The following DLG5 variants were observed in gnomAD, a reference collection of about 807,000 sequenced individuals.
DLG5 encodes the protein discs large MAGUK scaffold protein 5.
Under a neutral mutation model 189.8 loss-of-function variants are expected in DLG5, and 48 were observed. The observed-to-expected ratio is 0.25, with a 90% confidence interval of 0.20 to 0.32. The LOEUF is 0.32. DLG5 is among the 10% of genes least tolerant of loss of function. The probability of loss-of-function intolerance (pLI) is 1.00; values close to 1 mark genes in which losing one functional copy is unlikely to be tolerated. For synonymous variants in DLG5, 1,016 were observed against 1,054.1 expected (o/e 0.96, Z 0.70); for missense variants, 2,160 against 2,544.7 (o/e 0.85, Z 3.25).
chr10:77,862,860 G>T (rs1301511155), intron 2 of DLG5, among the ~76,000 whole-genome samples: 1 of 152,104 alleles, frequency 6.6e-6, no homozygotes, highest in Non-Finnish European at 1.5e-5. Flanking sequence ...TGACATTCTG[G>T]GAAGGGCAAC....
chr10:77,911,216 C>A (rs1846211263), intron 1 of DLG5, among the ~76,000 whole-genome samples: 1 of 152,038 alleles, frequency 6.6e-6, no homozygotes, highest in African/African-American at 2.4e-5. Flanking sequence ...CAACCTCTAC[C>A]TGTCAGGTTC....
chr10:77,805,097 G>T (rs1476285116), intron 27 of DLG5, among the ~76,000 whole-genome samples: 1 of 152,058 alleles, frequency 6.6e-6, no homozygotes, highest in African/African-American at 2.4e-5. Context: ...AGCCTCCCAA[G>T]TAGCTGGGAT....
intron 1 of DLG5, among the ~76,000 whole-genome samples, chr10:77,888,949 G>T (rs1845526308): frequency 6.6e-6 from 1 of 152,104 alleles, no homozygotes; most frequent in East Asian, 1.9e-4. Context: ...TTCCCCCTAG[G>T]TGTTTGCATT....
At chr10:77,922,358 G>A (rs1374493044) in intron 1 of DLG5, among the ~76,000 whole-genome samples, 1 of 152,198 alleles carries the variant, frequency 6.6e-6, no homozygotes, top group African/African-American at 2.4e-5. Context: ...GGGGCTCCAA[G>A]TGACCAAGCT....
intron 1 of DLG5, among the ~76,000 whole-genome samples, chr10:77,901,519 C>G (rs1037319597): frequency 1.3e-5 from 2 of 152,228 alleles, no homozygotes; most frequent in Non-Finnish European, 2.9e-5. Flanking sequence ...CTATGGCCCT[C>G]TGAGGAAAGA....
At chr10:77,821,023 C>T (rs1842319406) in intron 15 of DLG5, 59 bp downstream of exon 15, 9 of 1,538,896 alleles carry the variant, frequency 5.8e-6, no homozygotes, top group Non-Finnish European at 7.9e-6. Context: ...AGCAGCCCTC[C>T]TTCGGCCAAC....
intron 15 of DLG5, chr10:77,820,327 C>A: frequency 5.1e-6 from 1 of 196,962 alleles, no homozygotes; most frequent in Non-Finnish European, 9.7e-6. Context: ...GCCTGGGTGA[C>A]AGAGTGAGAC....
chr10:77,921,679 C>G (rs1321925140), intron 1 of DLG5, among the ~76,000 whole-genome samples: 1 of 152,210 alleles, frequency 6.6e-6, no homozygotes, highest in African/African-American at 2.4e-5. Context: ...CTCCATGGCT[C>G]CATGCATTCA....
chr10:77,814,461 TTATATATATATATATATATATATATA>T (rs59297524), intron 20 of DLG5, among the ~76,000 whole-genome samples: 724 of 70,772 alleles, frequency 0.01, 41 homozygotes, highest in African/African-American at 0.023. Flanking sequence ...TAAAGCATGT[TTATATATATATATATATATATATATA>T]TATATATATA....
At chr10:77,925,773 C>T (rs905094557) in intron 1 of DLG5, among the ~76,000 whole-genome samples, 1 of 152,168 alleles carries the variant, frequency 6.6e-6, no homozygotes, top group African/African-American at 2.4e-5. Flanking sequence ...GTTGTGGCCC[C>T]GGCACAGGAT....
the DLG5 span, among the ~76,000 whole-genome samples, chr10:77,936,730 T>C: frequency 6.6e-6 from 1 of 152,228 alleles, no homozygotes; most frequent in Non-Finnish European, 1.5e-5. Context: ...AAACCACACG[T>C]CAATTATTGT....
intron 1 of DLG5, chr10:77,869,441 G>C: frequency 2.0e-6 from 1 of 492,386 alleles, no homozygotes; most frequent in Non-Finnish European, 3.6e-6. Context: ...GGGGAACTTG[G>C]AGTCAGTCAG....
chr10:77,803,939 G>C (rs1415039843), intron 27 of DLG5, among the ~76,000 whole-genome samples: 2 of 148,222 alleles, frequency 1.3e-5, no homozygotes, highest in South Asian at 2.1e-4. Flanking sequence ...GCCTGGGCTA[G>C]AGTGCAGTGG....
intron 13 of DLG5, 158 bp from the exon 14 acceptor site, chr10:77,824,634 C>T (rs1305785189): frequency 3.4e-6 from 2 of 594,380 alleles, no homozygotes; most frequent in Non-Finnish European, 5.9e-6. Context: ...CTGGTGAGGC[C>T]CAAGGAGTCC....
At chr10:77,843,752 C>A (rs779834135) in intron 5 of DLG5, 46 bp from the exon 6 acceptor site, 2 of 1,608,840 alleles carry the variant, frequency 1.2e-6, no homozygotes, top group Non-Finnish European at 1.7e-6. Context: ...TGGGAGGTGG[C>A]GGAGGAGACC....
At chr10:77,927,821 C>G (rs1846743227), upstream of DLG5, 1 of 152,302 alleles carries the variant, frequency 6.6e-6, no homozygotes, top group Non-Finnish European at 1.5e-5. Context: ...ACCTCCCTGA[C>G]TGCAGGACAA....
At chr10:77,888,152 T>G (rs1236132968) in intron 1 of DLG5, among the ~76,000 whole-genome samples, 1 of 152,196 alleles carries the variant, frequency 6.6e-6, no homozygotes, top group Non-Finnish European at 1.5e-5. Flanking sequence ...CCATGGTGAC[T>G]ACATCAAAGA....
At chr10:77,883,983 G>C (rs554836554) in intron 1 of DLG5, among the ~76,000 whole-genome samples, 14 of 152,172 alleles carry the variant, frequency 9.2e-5, no homozygotes, top group Admixed American at 2.0e-4. Context: ...ACAGGCGTGA[G>C]CCATCACGCC....
chr10:77,804,284 T>C (rs1004084512), intron 27 of DLG5, among the ~76,000 whole-genome samples: 3 of 152,254 alleles, frequency 2.0e-5, no homozygotes, highest in Admixed American at 1.3e-4. Flanking sequence ...AAAGGGCTAA[T>C]AGACTTTTTT....
Sources: allele counts gnomAD v4.1 joint callset (sites outside exome capture counted in the v4.1 genomes callset), GRCh38; gene constraint gnomAD v4.1.1; transcripts MANE v1.5; gene names NCBI Gene and HGNC (gene_info 2026-07-23, HGNC 2026-07-21).